ANKRD31: variants seen among roughly 807,000 people sequenced by gnomAD.
ANKRD31 encodes ankyrin repeat domain 31.
Under a neutral mutation model 186.0 loss-of-function variants are expected in ANKRD31, and 147 were observed. That is an observed-to-expected ratio of 0.79 (90% CI 0.69 to 0.91). ANKRD31 has a LOEUF of 0.91. Ranked by LOEUF, ANKRD31 falls within the 40% of genes least tolerant of loss-of-function variation. The pLI is 0.00. For missense variants in ANKRD31, 1,986 were observed against 2,148.8 expected (o/e 0.92, Z 1.50); for synonymous variants, 673 against 736.4 (o/e 0.91, Z 1.39).
chr5:75,183,667 T>A (rs1270511640), intron 10 of ANKRD31, among the ~76,000 whole-genome samples: 4 of 151,926 alleles, frequency 2.6e-5, no homozygotes, highest in Admixed American at 6.6e-5. Context: ...TTATTATAGC[T>A]ACCAAAAAAT....
intron 20 of ANKRD31, among the ~76,000 whole-genome samples, chr5:75,108,504 CTTG>C (rs538759184): frequency 1.2e-4 from 18 of 152,174 alleles, no homozygotes; most frequent in African/African-American, 3.6e-4. Context: ...TTTTAAGCTA[CTTG>C]TTGTTTCTTT....
At chr5:75,091,945 G>C (rs1177454248) in intron 22 of ANKRD31, among the ~76,000 whole-genome samples, 1 of 151,992 alleles carries the variant, frequency 6.6e-6, no homozygotes, top group African/African-American at 2.4e-5. Flanking sequence ...GTAAGGTGGT[G>C]GTTTCACATT....
chr5:75,105,636 C>T (rs939424565), intron 21 of ANKRD31, among the ~76,000 whole-genome samples: 7 of 152,222 alleles, frequency 4.6e-5, no homozygotes, highest in African/African-American at 1.4e-4. Context: ...TTGGGGCTTG[C>T]TTACCTGTTT....
At chr5:75,191,281 T>C (rs1323816760) in intron 9 of ANKRD31, among the ~76,000 whole-genome samples, 1 of 152,180 alleles carries the variant, frequency 6.6e-6, no homozygotes, top group East Asian at 1.9e-4. Context: ...CCATCTGTAT[T>C]ACATATCTTT....
intron 23 of ANKRD31, among the ~76,000 whole-genome samples, chr5:75,084,956 A>C (rs1403924954): frequency 6.6e-5 from 10 of 152,182 alleles, no homozygotes; most frequent in African/African-American, 9.6e-5. Context: ...ACACACAAAA[A>C]GGCAGGGATG....
At chr5:75,213,763 G>A (rs1756794772) in intron 3 of ANKRD31, among the ~76,000 whole-genome samples, 1 of 152,092 alleles carries the variant, frequency 6.6e-6, no homozygotes, top group Non-Finnish European at 1.5e-5. Context: ...TTAATTTAGA[G>A]GATCTAGAAA....
At chr5:75,132,619 C>A (rs1462076405) in intron 17 of ANKRD31, among the ~76,000 whole-genome samples, 1 of 152,116 alleles carries the variant, frequency 6.6e-6, no homozygotes, top group African/African-American at 2.4e-5. Flanking sequence ...AGAACTTCCC[C>A]AATCTAGCAA....
intron 25 of ANKRD31, among the ~76,000 whole-genome samples, chr5:75,073,224 G>A (rs1173590461): frequency 2.0e-5 from 3 of 151,732 alleles, no homozygotes; most frequent in Admixed American, 1.3e-4. Flanking sequence ...TTGAGCCCAG[G>A]AGTTTGAGGC....
chr5:75,205,085 C>G (rs115114661), intron 5 of ANKRD31, among the ~76,000 whole-genome samples: 1 of 152,184 alleles, frequency 6.6e-6, no homozygotes, highest in Non-Finnish European at 1.5e-5. Flanking sequence ...AGGCTGGTCT[C>G]GAACTCTTAG....
intron 17 of ANKRD31, among the ~76,000 whole-genome samples, chr5:75,123,388 C>T (rs1748949904): frequency 6.6e-6 from 1 of 151,878 alleles, no homozygotes. Flanking sequence ...AGATTCAATG[C>T]AATTCCTATC....
chr5:75,198,799 T>C (rs1409637766), intron 6 of ANKRD31, among the ~76,000 whole-genome samples: 2 of 152,200 alleles, frequency 1.3e-5, no homozygotes, highest in South Asian at 2.1e-4. Flanking sequence ...CCAGACATCA[T>C]GAACCATCAT....
chr5:75,181,725 G>A (rs1561512453), intron 10 of ANKRD31, among the ~76,000 whole-genome samples: 1 of 129,636 alleles, frequency 7.7e-6, no homozygotes, highest in Non-Finnish European at 1.6e-5. Flanking sequence ...CACACACTGG[G>A]GACTGTTGTG....
At chr5:75,076,841 C>A (rs183866584) in intron 25 of ANKRD31, among the ~76,000 whole-genome samples, 1 of 152,150 alleles carries the variant, frequency 6.6e-6, no homozygotes, top group Non-Finnish European at 1.5e-5. Flanking sequence ...CAGGAATTAG[C>A]GACAAAGACC....
At chr5:75,180,245 C>A (rs571344263) in intron 10 of ANKRD31, among the ~76,000 whole-genome samples, 12 of 152,160 alleles carry the variant, frequency 7.9e-5, no homozygotes, top group East Asian at 1.9e-4. Flanking sequence ...GATACAAACA[C>A]ATGGAAGAAC....
intron 11 of ANKRD31, among the ~76,000 whole-genome samples, chr5:75,158,463 T>C (rs1330271530): frequency 6.6e-6 from 1 of 151,768 alleles, no homozygotes; most frequent in Non-Finnish European, 1.5e-5. Context: ...GGATCCAGAG[T>C]TGCTATAATA....
rs2150331202 is a variant in ANKRD31 at position 75,236,501 on chromosome 5, A to G, written c.104+82T>C. 2.6e-6 allele frequency: 3 copies of G among 1,142,534 alleles called. No individual in the cohort carries two copies. The East Asian group carries it at 7.9e-5, about 30-fold the overall frequency. 70.8% of individuals were successfully genotyped at this position (1,142,534 alleles called of 1,614,324 possible). On this transcript the variant is annotated intron_variant, in intron 1 of 25. Transcript: ENST00000506364. ...AGCACATGTTCTGGTCACGATCTCC[A>G]CTCAAAACTCTGACCCCCTCAGAGG...
At chr5:75,137,832 A>C (rs1387110584) in intron 17 of ANKRD31, 24 bp downstream of exon 17, 1 of 1,426,574 alleles carries the variant, frequency 7.0e-7, no homozygotes, top group East Asian at 2.6e-5. Flanking sequence ...AAGTAGTAAG[A>C]TCTTAATGTG....
chr5:75,180,307 C>G (rs1319128969), intron 10 of ANKRD31, among the ~76,000 whole-genome samples: 1 of 152,108 alleles, frequency 6.6e-6, no homozygotes, highest in East Asian at 1.9e-4. Context: ...GGCCATACTG[C>G]CCAAGGTAAT....
At chr5:75,097,487 C>A (rs957343554) in intron 22 of ANKRD31, among the ~76,000 whole-genome samples, 2 of 152,158 alleles carry the variant, frequency 1.3e-5, no homozygotes, top group Non-Finnish European at 2.9e-5. Flanking sequence ...TCATATCCTT[C>A]ACCCACTTTT....
Sources: allele counts gnomAD v4.1 joint callset (sites outside exome capture counted in the v4.1 genomes callset), GRCh38; gene constraint gnomAD v4.1.1; transcripts MANE v1.5; gene names NCBI Gene and HGNC (gene_info 2026-07-23, HGNC 2026-07-21).